Variants in FNBP4 observed in about 807,000 individuals in gnomAD.
The protein encoded by FNBP4 is formin-binding protein 4.
FNBP4 carries 34 observed loss-of-function variants against 119.3 expected under a neutral mutation model. That is an observed-to-expected ratio of 0.28 (90% CI 0.22 to 0.38). The LOEUF (loss-of-function observed/expected upper bound fraction) is 0.38. Ranked by LOEUF, FNBP4 falls within the 10% of genes least tolerant of loss-of-function variation. The probability of loss-of-function intolerance (pLI) is 1.00; values close to 1 mark genes in which losing one functional copy is unlikely to be tolerated. For missense variants in FNBP4, 1,112 were observed against 1,228.9 expected (o/e 0.90, Z 1.42); for synonymous variants, 462 against 430.6 (o/e 1.07, Z -0.90).
In FNBP4 at chr11:47,719,568, ATG is replaced by A. The variant is rs1203883663; in HGVS notation, c.2963+359_2963+360del. 2.0e-4 allele frequency among the ~76,000 whole-genome samples: 21 copies of A among 104,922 alleles called. No individual in the cohort carries two copies. The South Asian group carries it at 7.3e-3, about 36-fold the overall frequency. 68.8% of individuals were successfully genotyped at this position (104,922 alleles called of 152,430 possible). ...TATTTGTAAAATAAGTTAATATGTT[ATG>A]TGTGTATGTGTGTGTGTGTGTGTGT... is the stretch of plus-strand genomic sequence containing the variant. On this transcript the variant is annotated intron_variant, in intron 16 of 16. Transcript: ENST00000263773.
At chr11:47,722,867 A>AG in intron 15 of FNBP4, 109 bp downstream of exon 15, 1 of 1,266,456 alleles carries the variant, frequency 7.9e-7, no homozygotes, top group Non-Finnish European at 1.1e-6. Context: ...CTGGGATTAC[A>AG]GGCTTAAGCC....
chr11:47,741,856 A>G (rs528499852), intron 8 of FNBP4, among the ~76,000 whole-genome samples: 6 of 152,196 alleles, frequency 3.9e-5, no homozygotes, highest in East Asian at 1.9e-4. Context: ...CAATTTATCT[A>G]TGATACCTCT....
chr11:47,765,566 A>ATGGGGG (rs2097645681), intron 1 of FNBP4, among the ~76,000 whole-genome samples: 1 of 1,496 alleles, frequency 6.7e-4, no homozygotes, highest in African/African-American at 3.8e-3. Context: ...GGAGGCCAAG[A>ATGGGGG]CGGGGGGGGG....
chr11:47,758,869 G>T (rs1037708516), intron 2 of FNBP4, among the ~76,000 whole-genome samples: 12 of 152,054 alleles, frequency 7.9e-5, no homozygotes, highest in Non-Finnish European at 1.5e-4. Flanking sequence ...AAAAAAGCGG[G>T]GGGGAAAAGA....
rs1343184261 is a variant in FNBP4 at position 47,716,893 on chromosome 11, T to C, written c.*529A>G. The stretch of plus-strand genomic sequence containing the variant: ...GTGTGCGAAACGACCGAGCTACCAG[T>C]TCTAGAACTTATGAGAACTACTCTA... On this transcript the variant is annotated 3_prime_UTR_variant, in exon 17 of 17. Coordinates refer to ENST00000263773, the MANE Select transcript of FNBP4 (RefSeq NM_015308.5). 6.6e-6 allele frequency: 1 copy of C among 152,662 alleles called. No homozygotes were observed. The highest frequency in any genetic ancestry group is 1.5e-5 in the Non-Finnish European group (1 of 68,162). 9.5% of individuals were successfully genotyped at this position (152,662 alleles called of 1,614,324 possible). A position where few individuals can be genotyped will look rare whatever the true frequency, so the allele number is the denominator to read the frequency against.
At chr11:47,735,171 A>G (rs2097572451) in intron 9 of FNBP4, among the ~76,000 whole-genome samples, 1 of 152,168 alleles carries the variant, frequency 6.6e-6, no homozygotes, top group Admixed American at 6.6e-5. Flanking sequence ...TATACATATA[A>G]CAAATTATGA....
At chr11:47,729,510 C>T in intron 12 of FNBP4, 2 of 985,138 alleles carry the variant, frequency 2.0e-6, no homozygotes, top group Non-Finnish European at 2.4e-6. Context: ...TGCACCCCTT[C>T]CCCCACTTTA....
chr11:47,743,882 C>CA, intron 8 of FNBP4, 71 bp downstream of exon 8: 3 of 1,420,356 alleles, frequency 2.1e-6, no homozygotes, highest in African/African-American at 1.4e-5. Flanking sequence ...GAAGAGGAAA[C>CA]AAAAAAAGAC....
rs1181585702 is a variant in FNBP4 at position 47,732,002 on chromosome 11, G to A, written c.1821-441C>T. 6.0e-6 allele frequency: 6 copies of A among 992,680 alleles called. No individual in the cohort carries two copies. Among genetic ancestry groups the A allele is most frequent in the Non-Finnish European group, 3.6e-6 (3 of 835,464 alleles). The allele number at this position is 992,680 out of a possible 1,614,324, so 61.5% of individuals were successfully genotyped here. On this transcript the variant is annotated intron_variant, in intron 11 of 16. Coordinates refer to ENST00000263773, the MANE Select transcript of FNBP4 (RefSeq NM_015308.5). This position sits in a 1 kb window ranked among gnomAD's most constrained non-coding sequence, Gnocchi z 4.2. ...TCATATTCTTGATATCAAACACAGT[G>A]AAAGCTAAAGAGAGGGAGAGGATCT...
At chr11:47,726,608 C>T (rs1272417808) in intron 12 of FNBP4, 4 of 151,932 alleles carry the variant, frequency 2.6e-5, no homozygotes, top group Non-Finnish European at 5.9e-5. Flanking sequence ...AAAAATTCAC[C>T]AGGAACATAA....
Position 47,731,392 on chromosome 11 carries a change from A to C in FNBP4, c.1990T>G (p.Ser664Ala). 6.2e-7 allele frequency: 1 copy of C among 1,612,788 alleles called. No homozygotes were observed. The highest frequency in any genetic ancestry group is 8.5e-7 in the Non-Finnish European group (1 of 1,179,624). ...KTGTDSNSTE[S>A]SETSTGSLCK... ...GTCTCACCTGTGGAAGTTTCAGAGG[A>C]TTCTGTTGAATTTGAATCAGTGCCA... is the stretch of plus-strand genomic sequence containing the variant. Residue 664 changes from serine to alanine, a missense_variant, in exon 12 of 17, where the codon TCC (serine) becomes GCC (alanine). Ser to Ala is a moderately conservative substitution (Grantham distance 99). Transcript: ENST00000263773.
intron 2 of FNBP4, among the ~76,000 whole-genome samples, chr11:47,759,009 C>T (rs1321260731): frequency 6.6e-6 from 1 of 151,124 alleles, no homozygotes; most frequent in African/African-American, 2.4e-5. Flanking sequence ...ACCTCCGCCT[C>T]CCGGGTTCAG....
At chr11:47,744,260 C>T in intron 7 of FNBP4, 97 bp from the exon 8 acceptor site, 2 of 1,163,756 alleles carry the variant, frequency 1.7e-6, no homozygotes. Context: ...AATTTAAATT[C>T]TTTGAGAACA....
In FNBP4 at chr11:47,732,237, C is replaced by A; in HGVS notation, c.1820+300G>T. ...CAGAGGTCCTGTAAAGCGCACAGAG[C>A]TCTCGCATGCGCTTAACCCCCAAGC... On this transcript the variant is annotated intron_variant, in intron 11 of 16. Coordinates refer to ENST00000263773, the MANE Select transcript of FNBP4 (RefSeq NM_015308.5). The surrounding 1 kb of genome is among the most constrained non-coding windows in gnomAD (Gnocchi z 4.2). 1 of 1,168,974 alleles carries A rather than the reference C, an allele frequency of 8.6e-7. No homozygotes were observed. The highest frequency in any genetic ancestry group is 4.8e-5 in the East Asian group (1 of 20,968). 72.4% of individuals were successfully genotyped at this position (1,168,974 alleles called of 1,614,324 possible).
At position 47,744,145 on chromosome 11, in the gene FNBP4, C is replaced by T; in HGVS notation, c.1264G>A (p.Glu422Lys). The T allele has an allele frequency of 6.2e-7, 1 of 1,614,092 alleles. No individual in the cohort carries two copies. The highest frequency in any genetic ancestry group is 8.5e-7 in the Non-Finnish European group (1 of 1,179,988). ...ERKKAELRAL[E>K]EGDGSVSGSS... ...CCTGACACACTACCATCTCCTTCCT[C>T]CAAGGCTCGCAACTCTGCCTACAAA... Residue 422 changes from glutamate (E) to lysine (K), a missense_variant, in exon 8 of 17, where the codon GAG becomes AAG. Transcript: ENST00000263773.
rs940081260 is a variant in FNBP4, at chr11:47,767,268, C to G, written c.21G>C (p.Ala7=). The G allele has an allele frequency of 1.9e-6, 3 of 1,542,276 alleles. No homozygotes were observed. The highest frequency in any genetic ancestry group is 2.6e-6 in the Non-Finnish European group (3 of 1,153,162). MGKKSR[A]VPGRRPILQL... is the part of the protein sequence containing the mutation. ...GCAGGATGGGCCTACGGCCGGGTAC[C>G]GCCCGGGACTTCTTCCCCATCGCGA... The change falls in exon 1 of 17, where the codon GCG becomes GCC. Residue 7 remains alanine (A), a synonymous_variant. Transcript: ENST00000263773.
chr11:47,753,928 G>T (rs1033707488), intron 3 of FNBP4, among the ~76,000 whole-genome samples: 1 of 152,172 alleles, frequency 6.6e-6, no homozygotes, highest in Non-Finnish European at 1.5e-5. Flanking sequence ...AAAGAAAAGG[G>T]AGGTGGTGGC....
chr11:47,743,764 G>T, intron 8 of FNBP4, 189 bp downstream of exon 8: 1 of 599,246 alleles, frequency 1.7e-6, no homozygotes, highest in Non-Finnish European at 2.9e-6. Context: ...AGCCTCTCAG[G>T]CTCTTACTCC....
chr11:47,740,752 G>A (rs766246430), intron 8 of FNBP4, among the ~76,000 whole-genome samples: 1 of 151,564 alleles, frequency 6.6e-6, no homozygotes, highest in Non-Finnish European at 1.5e-5. Flanking sequence ...ACCACCAGGT[G>A]CAGATAATTT....
Sources: gnomAD v4.1 joint callset for allele counts (sites outside exome capture counted in the v4.1 genomes callset) on GRCh38, gnomAD v4.1.1 for gene constraint, Gnocchi (gnomAD v3.1) non-coding constraint, MANE v1.5 for transcripts, NCBI Gene and HGNC (gene_info 2026-07-23, HGNC 2026-07-21) for gene names.